Variants in PRDM16 observed in about 807,000 individuals in gnomAD.
PRDM16 encodes PR/SET domain 16.
PRDM16 carries 23 observed loss-of-function variants against 110.6 expected under a neutral mutation model. The observed-to-expected ratio is 0.21, with a 90% confidence interval of 0.15 to 0.29. The LOEUF (loss-of-function observed/expected upper bound fraction) is 0.29. Among genes scored for constraint, PRDM16 ranks in the 10% least tolerant of loss-of-function variants. PRDM16 has a pLI of 1.00. For missense variants in PRDM16, 1,615 were observed against 1,794.3 expected, an observed-to-expected ratio of 0.90 and a Z score of 1.81; for synonymous variants, 799 against 781.8, an observed-to-expected ratio of 1.02 and a Z score of -0.37.
At chr1:3,101,412 G>A (rs796365036) in intron 1 of PRDM16, among the ~76,000 whole-genome samples, 23 of 152,326 alleles carry the variant, frequency 1.5e-4, no homozygotes, top group African/African-American at 4.8e-4. Context: ...ATTCCCCCTC[G>A]TTTTCTAAAG....
intron 2 of PRDM16, among the ~76,000 whole-genome samples, chr1:3,203,419 G>C (rs1478583621): frequency 6.6e-6 from 1 of 152,240 alleles, no homozygotes; most frequent in Non-Finnish European, 1.5e-5. Flanking sequence ...AGAGGCAGGT[G>C]CTTATGAGCC....
At chr1:3,120,392 C>G (rs533353359) in intron 1 of PRDM16, among the ~76,000 whole-genome samples, 3 of 152,060 alleles carry the variant, frequency 2.0e-5, no homozygotes, top group African/African-American at 7.2e-5. Context: ...GCCCAAGGCC[C>G]GGTGACAAAC....
Position 3,244,104 on chromosome 1 carries a change from G to A in PRDM16, c.405G>A (p.Val135=), listed in dbSNP as rs1223355825. The A allele has an allele frequency of 6.2e-7, 1 of 1,613,870 alleles. No homozygotes were observed. Among genetic ancestry groups the A allele is most frequent in the Non-Finnish European group, 8.5e-7 (1 of 1,180,026 alleles). The change falls in exon 3 of 17, where the codon GTG becomes GTA. Residue 135 remains valine (V), a synonymous_variant. Transcript: ENST00000270722. This position sits in a 1 kb window ranked among gnomAD's most constrained non-coding sequence, Gnocchi z 4.1. ...TTTTGCAGCAAATACTGACGGACGT[G>A]GAAGTGTCGCCCCAGGAAGGCTGCA... is the stretch of plus-strand genomic sequence containing the variant. The part of the protein sequence containing the change: ...DFGWEQILTD[V]EVSPQEGCIT...
chr1:3,338,736 C>T (rs1642211687), intron 3 of PRDM16, among the ~76,000 whole-genome samples: 1 of 152,178 alleles, frequency 6.6e-6, no homozygotes, highest in South Asian at 2.1e-4. Context: ...CTCCTGGAGC[C>T]CCAGAGGCAG....
In PRDM16 at chr1:3,181,242, ACAGTCTTACACACG is replaced by A. The variant is rs1166898859; in HGVS notation, c.38-4868_38-4855del. Among the ~76,000 whole-genome samples, 339 of 123,662 alleles carry A rather than the reference ACAGTCTTACACACG, an allele frequency of 2.7e-3. 4 individuals are homozygous for A. The East Asian group carries it at 0.041, about 15-fold the overall frequency. The allele number at this position is 123,662 out of a possible 152,430, so 81.1% of individuals were successfully genotyped here. A position where few individuals can be genotyped will look rare whatever the true frequency, so the allele number is the denominator to read the frequency against. ...CGCAGTCTTACACACGGTCTTACAC[ACAGTCTTACACACG>A]CAGTCTTACACACGGCCTTACGCAT... On this transcript the variant is annotated intron_variant, in intron 1 of 16. Coordinates refer to ENST00000270722, the MANE Select transcript of PRDM16 (RefSeq NM_022114.4).
intron 3 of PRDM16, among the ~76,000 whole-genome samples, chr1:3,362,051 T>G (rs1326761792): frequency 6.6e-6 from 1 of 152,090 alleles, no homozygotes. Context: ...GAGGGGTGTC[T>G]GCTGGTAGCC....
intron 1 of PRDM16, among the ~76,000 whole-genome samples, chr1:3,121,086 G>A (rs1209528324): frequency 6.6e-6 from 1 of 151,968 alleles, no homozygotes; most frequent in East Asian, 1.9e-4. Context: ...GCTTTAGTTA[G>A]GGCCCGGCTT....
At chr1:3,149,207 T>C (rs528601487) in intron 1 of PRDM16, among the ~76,000 whole-genome samples, 4 of 152,276 alleles carry the variant, frequency 2.6e-5, no homozygotes, top group Non-Finnish European at 4.4e-5. Context: ...TTGTCAGCCT[T>C]GTGGCAGGGG....
Position 3,301,502 on chromosome 1 carries a change from T to C in PRDM16, c.438+57365T>C, listed in dbSNP as rs891312317. Among the ~76,000 whole-genome samples, 6 of 152,194 alleles carry C rather than the reference T, an allele frequency of 3.9e-5. No homozygotes were observed. The South Asian group carries it at 6.2e-4, about 16-fold the overall frequency. The stretch of plus-strand genomic sequence containing the variant: ...TTTAAGTGACTCCTTTATTAAACCC[T>C]TGGTTGTCTTTGTATTTTTAAAAGA... On this transcript the variant is annotated intron_variant, in intron 3 of 16. Transcript: ENST00000270722.
chr1:3,215,267 C>T (rs933399656), intron 2 of PRDM16, among the ~76,000 whole-genome samples: 9 of 149,170 alleles, frequency 6.0e-5, no homozygotes, highest in Admixed American at 6.0e-4. Context: ...GGAACCCGAC[C>T]TCTGTGTGGA....
At chr1:3,345,202 C>G (rs1396212887) in intron 3 of PRDM16, among the ~76,000 whole-genome samples, 1 of 152,220 alleles carries the variant, frequency 6.6e-6, no homozygotes, top group Non-Finnish European at 1.5e-5. Flanking sequence ...CAGTGCACTG[C>G]TTTCCTTCAA....
intron 5 of PRDM16, among the ~76,000 whole-genome samples, chr1:3,399,313 A>G (rs1030612839): frequency 1.3e-5 from 2 of 152,248 alleles, no homozygotes; most frequent in Non-Finnish European, 2.9e-5. Context: ...AAGATGGGAA[A>G]CATTATCAGA....
At position 3,436,301 on chromosome 1, in the gene PRDM16, C is replaced by T. The variant is rs35015571; in HGVS notation, c.*2490C>T. The T allele has an allele frequency of 0.086, 19,805 of 231,152 alleles. 1,096 individuals carry two copies. Among genetic ancestry groups the T allele is most frequent in the Middle Eastern group, 0.19 (151 of 780 alleles). 14.3% of individuals were successfully genotyped at this position (231,152 alleles called of 1,614,324 possible). On this transcript the variant is annotated 3_prime_UTR_variant, in exon 17 of 17. Coordinates refer to ENST00000270722, the MANE Select transcript of PRDM16 (RefSeq NM_022114.4). ...CAGCAGGAGCAGAACCGATGAGAGC[C>T]GCCCTTACCGTTGGTCTCCGGATCC...
intron 3 of PRDM16, among the ~76,000 whole-genome samples, chr1:3,272,171 A>G (rs1239107458): frequency 1.3e-5 from 2 of 152,194 alleles, no homozygotes; most frequent in Non-Finnish European, 2.9e-5. Context: ...GCGAATTGGC[A>G]AGGCCCAGGG....
chr1:3,241,391 A>C (rs1418553631), intron 2 of PRDM16, among the ~76,000 whole-genome samples: 1 of 152,254 alleles, frequency 6.6e-6, no homozygotes, highest in Non-Finnish European at 1.5e-5. Flanking sequence ...AAGGGGGCCC[A>C]GGCCCCGTGC....
At chr1:3,224,055 G>A (rs537695768) in intron 2 of PRDM16, among the ~76,000 whole-genome samples, 30 of 152,296 alleles carry the variant, frequency 2.0e-4, no homozygotes, top group African/African-American at 6.3e-4. Flanking sequence ...GTCAGGTAAA[G>A]AGGCGGCCAT....
rs554843820 is a variant in PRDM16, at chr1:3,186,109, G to A, written c.38-16G>A. ...GGCACGTGCTGCAGAGGTTGACGCTGCGTTGTCTCCTTTAGGTGACGGTGA... is the reference window on the plus strand; with the variant it reads ...GGCACGTGCTGCAGAGGTTGACGCTACGTTGTCTCCTTTAGGTGACGGTGA... On this transcript the variant is annotated splice_polypyrimidine_tract_variant and intron_variant, in intron 1 of 16. Coordinates refer to ENST00000270722, the MANE Select transcript of PRDM16 (RefSeq NM_022114.4). The A allele has an allele frequency of 1.2e-6, 2 of 1,603,474 alleles. No individual in the cohort carries two copies. The highest frequency in any genetic ancestry group is 1.1e-5 in the South Asian group (1 of 90,872).
intron 3 of PRDM16, among the ~76,000 whole-genome samples, chr1:3,371,540 C>T (rs1642909178): frequency 6.6e-6 from 1 of 151,460 alleles, no homozygotes; most frequent in Non-Finnish European, 1.5e-5. Flanking sequence ...TCCATCCATC[C>T]ACCCACCCAT....
intron 2 of PRDM16, among the ~76,000 whole-genome samples, chr1:3,237,663 C>G (rs1486630768): frequency 6.6e-6 from 1 of 152,252 alleles, no homozygotes; most frequent in African/African-American, 2.4e-5. Context: ...ATTCAATCAT[C>G]TCACAGGAAG....
Sources: allele counts gnomAD v4.1 joint callset (sites outside exome capture counted in the v4.1 genomes callset), GRCh38; gene constraint gnomAD v4.1.1; non-coding constraint Gnocchi (gnomAD v3.1); transcripts MANE v1.5; gene names NCBI Gene and HGNC (gene_info 2026-07-23, HGNC 2026-07-21).